The following SLC35F4 variants were observed in gnomAD, a reference collection of about 807,000 sequenced individuals.
The protein encoded by SLC35F4 is chromosome 14 open reading frame 36.
In SLC35F4, 24 loss-of-function variants were observed where a neutral mutation model predicts 44.2. The ratio of observed to expected loss-of-function variants is 0.54; its 90% CI spans 0.39 to 0.76. The LOEUF (loss-of-function observed/expected upper bound fraction) is 0.76, where lower values mean the gene tolerates loss of function less well. SLC35F4 is among the 30% of genes least tolerant of loss of function. The probability of loss-of-function intolerance (pLI) is 0.00; values close to 1 mark genes in which losing one functional copy is unlikely to be tolerated. For missense variants in SLC35F4, 562 were observed against 586.1 expected, an observed-to-expected ratio of 0.96 and a Z score of 0.42; for synonymous variants, 238 against 223.6, an observed-to-expected ratio of 1.06 and a Z score of -0.57.
chr14:57,654,928 G>A (rs770733429), intron 1 of SLC35F4, among the ~76,000 whole-genome samples: 4 of 152,142 alleles, frequency 2.6e-5, no homozygotes, highest in African/African-American at 9.7e-5. Context: ...TTAAAGGTAC[G>A]CTGACGAAGC....
chr14:57,760,598 C>A (rs548213970), intron 1 of SLC35F4, among the ~76,000 whole-genome samples: 128 of 152,196 alleles, frequency 8.4e-4, no homozygotes, highest in African/African-American at 2.8e-3. Flanking sequence ...TTTTCTGAGA[C>A]ATAGTTCAGG....
chr14:57,790,288 A>C (rs1237448619), intron 1 of SLC35F4, among the ~76,000 whole-genome samples: 1 of 152,232 alleles, frequency 6.6e-6, no homozygotes, highest in Non-Finnish European at 1.5e-5. Context: ...AAGCAACTTC[A>C]GCAAAGTCTC....
downstream of SLC35F4, among the ~76,000 whole-genome samples, chr14:57,973,408 C>T (rs1262545600): frequency 6.6e-6 from 1 of 152,166 alleles, no homozygotes; most frequent in African/African-American, 2.4e-5. Context: ...CACAAATCAC[C>T]ACTTCAATTG....
intron 1 of SLC35F4, among the ~76,000 whole-genome samples, chr14:57,917,219 C>T (rs1358178111): frequency 6.6e-6 from 1 of 152,048 alleles, no homozygotes; most frequent in African/African-American, 2.4e-5. Flanking sequence ...CACCACCACT[C>T]CCCACTAATT....
At chr14:57,710,411 T>C (rs2075788453) in intron 1 of SLC35F4, among the ~76,000 whole-genome samples, 1 of 152,160 alleles carries the variant, frequency 6.6e-6, no homozygotes, top group African/African-American at 2.4e-5. Context: ...GCTAGGGCAG[T>C]GCAGAAGAGA....
At chr14:57,824,068 G>C (rs1378360940) in intron 1 of SLC35F4, among the ~76,000 whole-genome samples, 5 of 151,966 alleles carry the variant, frequency 3.3e-5, no homozygotes, top group South Asian at 4.2e-4. Flanking sequence ...GAACCTGAAG[G>C]ACCATTTTCA....
intron 1 of SLC35F4, among the ~76,000 whole-genome samples, chr14:57,647,436 A>C (rs1201487321): frequency 1.3e-5 from 2 of 151,882 alleles, no homozygotes; most frequent in African/African-American, 4.8e-5. Context: ...CTTCAAAATA[A>C]AAATTTGTTT....
At chr14:57,628,682 T>G (rs2072603385) in intron 1 of SLC35F4, among the ~76,000 whole-genome samples, 1 of 152,122 alleles carries the variant, frequency 6.6e-6, no homozygotes. Context: ...CACATTTTCT[T>G]TATCCAGCTA....
chr14:57,866,884 G>A (rs927506070), upstream of SLC35F4, among the ~76,000 whole-genome samples: 5 of 151,560 alleles, frequency 3.3e-5, no homozygotes, highest in African/African-American at 1.2e-4. Context: ...TTTAGCCAGA[G>A]ACCCAATGGG....
chr14:57,748,493 A>G (rs2140548409), intron 1 of SLC35F4, among the ~76,000 whole-genome samples: 1 of 152,244 alleles, frequency 6.6e-6, no homozygotes, highest in Middle Eastern at 3.4e-3. Flanking sequence ...GGGGCCAGGT[A>G]TTGCTTAAAC....
intron 1 of SLC35F4, among the ~76,000 whole-genome samples, chr14:57,629,339 T>C (rs928228119): frequency 6.6e-6 from 1 of 152,126 alleles, no homozygotes; most frequent in Non-Finnish European, 1.5e-5. Context: ...AGTGGGAAAC[T>C]ATGAGAAATG....
At position 57,581,278 on chromosome 14, in the gene SLC35F4, C is replaced by A. The variant is rs1210012039; in HGVS notation, c.743G>T (p.Cys248Phe). Residue 248 changes from cysteine to phenylalanine, a missense_variant, in exon 4 of 8, where the codon TGT becomes TTT. Cys to Phe is a radical substitution (Grantham distance 205, BLOSUM62 -2). Coordinates refer to ENST00000556826, the MANE Select transcript of SLC35F4 (RefSeq NM_001306087.2). ...CAGCAAGAAGACAAAGGCTTTGTTA[C>A]AACAGAACAGAGCGGAGACATCCGT... ...TATDVSALFC[C>F]NKAFVFLLSW... 5 of 1,612,386 alleles carry A rather than the reference C, an allele frequency of 3.1e-6. No homozygotes were observed. Among genetic ancestry groups the A allele is most frequent in the African/African-American group, 1.3e-5 (1 of 74,782 alleles).
At chr14:57,870,124 CTGTGTGTGTG>C (rs34282878), upstream of SLC35F4, among the ~76,000 whole-genome samples, 10,802 of 146,132 alleles carry the variant, frequency 0.074, 519 homozygotes, top group African/African-American at 0.14. Context: ...TGTCTATGAT[CTGTGTGTGTG>C]TGTGTGTGTG....
chr14:57,601,838 A>G (rs560407869), intron 1 of SLC35F4, among the ~76,000 whole-genome samples: 42 of 152,234 alleles, frequency 2.8e-4, no homozygotes, highest in Admixed American at 2.7e-3. Context: ...TTATCTCCAG[A>G]CCTCACAACA....
At chr14:57,573,304 T>G (rs1008511542) in intron 4 of SLC35F4, among the ~76,000 whole-genome samples, 2 of 152,136 alleles carry the variant, frequency 1.3e-5, no homozygotes, top group African/African-American at 4.8e-5. Context: ...TATTAAAGTG[T>G]CCTTAATGAA....
chr14:57,846,465 G>A (rs1316536427), intron 1 of SLC35F4, among the ~76,000 whole-genome samples: 2 of 152,170 alleles, frequency 1.3e-5, no homozygotes, highest in Non-Finnish European at 2.9e-5. Flanking sequence ...AATAACAGTC[G>A]TTTTTCCGAG....
In SLC35F4 at chr14:57,934,995, C is replaced by T. The variant is rs547327722; in HGVS notation, n.282+46918G>A. 2.0e-5 allele frequency among the ~76,000 whole-genome samples: 3 copies of T among 152,114 alleles called. No individual in the cohort carries two copies. The South Asian group carries it at 6.2e-4, about 32-fold the overall frequency. ...AATTACCAACCCCAAACTTCAGAAA[C>T]ACAGTATTCCAGGTGAGCATACAGC... On this transcript the variant is annotated intron_variant and non_coding_transcript_variant, in intron 1 of 1. Coordinates refer to the SLC35F4 transcript ENST00000556568.
At chr14:57,731,021 T>C (rs1239389450) in intron 1 of SLC35F4, among the ~76,000 whole-genome samples, 2 of 152,148 alleles carry the variant, frequency 1.3e-5, no homozygotes, top group South Asian at 2.1e-4. Flanking sequence ...AAAGTAACAG[T>C]GGGAAATACC....
intron 1 of SLC35F4, among the ~76,000 whole-genome samples, chr14:57,850,601 T>C (rs1595210991): frequency 1.3e-5 from 2 of 152,216 alleles, no homozygotes; most frequent in African/African-American, 4.8e-5. Context: ...TCTTACTTTA[T>C]GGATATAACA....
Sources: gnomAD v4.1 joint callset for allele counts (sites outside exome capture counted in the v4.1 genomes callset) on GRCh38, gnomAD v4.1.1 for gene constraint, MANE v1.5 for transcripts, NCBI Gene and HGNC (gene_info 2026-07-23, HGNC 2026-07-21) for gene names.